The following MCF2L2 variants were observed in gnomAD, a reference collection of about 807,000 sequenced individuals.
MCF2L2 encodes the protein MCF.2 cell line derived transforming sequence-like 2, also known as probable guanine nucleotide exchange factor MCF2L2.
MCF2L2 carries 102 observed loss-of-function variants against 150.2 expected under a neutral mutation model. That is an observed-to-expected ratio of 0.68 (90% CI 0.58 to 0.80). The LOEUF (loss-of-function observed/expected upper bound fraction) is 0.80, where lower values mean the gene tolerates loss of function less well. MCF2L2 is among the 30% of genes least tolerant of loss of function. The probability of loss-of-function intolerance (pLI) is 0.00; values close to 1 mark genes in which losing one functional copy is unlikely to be tolerated. For synonymous variants in MCF2L2, 465 were observed against 491.3 expected (o/e 0.95, Z 0.71); for missense variants, 1,256 against 1,372.8 (o/e 0.91, Z 1.34).
intron 1 of MCF2L2, among the ~76,000 whole-genome samples, chr3:183,421,546 G>A (rs961121564): frequency 4.6e-5 from 7 of 152,188 alleles, no homozygotes; most frequent in Admixed American, 3.3e-4. Context: ...CCTCCTGCCT[G>A]GGCCTGGGAT....
At chr3:183,377,011 T>C (rs576453127) in intron 3 of MCF2L2, 4 of 152,316 alleles carry the variant, frequency 2.6e-5, no homozygotes, top group African/African-American at 4.8e-5. Flanking sequence ...ACTTAAATAG[T>C]CAATATTCCA....
At chr3:183,335,433 T>C (rs1335302507) in intron 5 of MCF2L2, among the ~76,000 whole-genome samples, 1 of 152,088 alleles carries the variant, frequency 6.6e-6, no homozygotes, top group African/African-American at 2.4e-5. Context: ...ATAATACATG[T>C]TATGGTTTCA....
intron 2 of MCF2L2, among the ~76,000 whole-genome samples, chr3:183,382,311 G>A (rs1418254820): frequency 6.6e-6 from 1 of 151,986 alleles, no homozygotes; most frequent in African/African-American, 2.4e-5. Context: ...CGTCTGCCTC[G>A]GCCTCCCTAA....
chr3:183,201,417 GCTCT>G (rs1206050973), intron 25 of MCF2L2, among the ~76,000 whole-genome samples: 2 of 152,028 alleles, frequency 1.3e-5, no homozygotes, highest in Non-Finnish European at 2.9e-5. Flanking sequence ...TCATGATTTG[GCTCT>G]CTGTTTGTCT....
chr3:183,224,975 A>G (rs1184603665), intron 18 of MCF2L2: 1 of 152,324 alleles, frequency 6.6e-6, no homozygotes, highest in African/African-American at 2.4e-5. Flanking sequence ...TCGCTCTATC[A>G]GGGAGCCTGG....
At chr3:183,198,756 A>G (rs1194456814) in intron 25 of MCF2L2, among the ~76,000 whole-genome samples, 1 of 152,172 alleles carries the variant, frequency 6.6e-6, no homozygotes, top group African/African-American at 2.4e-5. Context: ...ATTTGAATGC[A>G]GGTGGTCCTT....
At chr3:183,417,734 C>T (rs1050168560) in intron 1 of MCF2L2, among the ~76,000 whole-genome samples, 4 of 152,044 alleles carry the variant, frequency 2.6e-5, no homozygotes, top group Non-Finnish European at 5.9e-5. Context: ...AGATACTACC[C>T]GAAACTGGGT....
At chr3:183,427,251 G>A (rs1045317605) in intron 1 of MCF2L2, among the ~76,000 whole-genome samples, 1 of 152,202 alleles carries the variant, frequency 6.6e-6, no homozygotes, top group African/African-American at 2.4e-5. Context: ...GGGGCCTGAC[G>A]TTCCATCACA....
Position 183,297,071 on chromosome 3 carries a change from TGTCGTTCAAGGCGATATCAAC to T in MCF2L2, c.1381_1401del (p.Val461_Asp467del), listed in dbSNP as rs1728549387. 6.2e-7 allele frequency: 1 copy of T among 1,614,060 alleles called. No individual in the cohort carries two copies. The highest frequency in any genetic ancestry group is 8.5e-7 in the Non-Finnish European group (1 of 1,180,050). On this transcript the variant is annotated inframe_deletion, in exon 12 of 30. Coordinates refer to ENST00000328913, the MANE Select transcript of MCF2L2 (RefSeq NM_015078.4). Reference sequence around the variant, plus strand: ...TTGACTGTGCCCAGGAATGTCGCAATGTCGTTCAAGGCGATATCAACCCCTTCTCGAGACTGGCACTTGTCT... The same window carrying T: ...TTGACTGTGCCCAGGAATGTCGCAATCCCTTCTCGAGACTGGCACTTGTCT...
intron 1 of MCF2L2, among the ~76,000 whole-genome samples, chr3:183,402,441 G>C (rs1187777200): frequency 1.2e-5 from 1 of 84,832 alleles, no homozygotes; most frequent in Non-Finnish European, 3.0e-5. Flanking sequence ...GCTACAGAGC[G>C]AGACTCCATC....
Position 183,270,386 on chromosome 3 carries a change from AT to A in MCF2L2, c.1862+6485del. The A allele has an allele frequency of 6.2e-7, 1 of 1,614,212 alleles. No individual in the cohort carries two copies. The highest frequency in any genetic ancestry group is 1.1e-5 in the South Asian group (1 of 91,082). On this transcript the variant is annotated intron_variant, in intron 15 of 29. Coordinates refer to ENST00000328913, the MANE Select transcript of MCF2L2 (RefSeq NM_015078.4). The surrounding 1 kb of genome is among the most constrained non-coding windows in gnomAD (Gnocchi z 4.5). ...TTCTTATGACTGCTGATGATGACAT[AT>A]TTATTCACATGCCAAATCTGATTGA...
At chr3:183,254,286 G>C (rs942214739) in intron 15 of MCF2L2, 4 of 151,862 alleles carry the variant, frequency 2.6e-5, no homozygotes, top group Admixed American at 6.6e-5. Context: ...ACACCGGATC[G>C]GGGCCCGCCG....
chr3:183,300,251 A>G, intron 10 of MCF2L2, 55 bp from the exon 11 acceptor site: 1 of 1,485,584 alleles, frequency 6.7e-7, no homozygotes, highest in East Asian at 2.3e-5. Flanking sequence ...CATGAGGCTG[A>G]GAGCTGCCTG....
intron 15 of MCF2L2, chr3:183,271,414 A>G (rs1349677640): frequency 1.2e-5 from 2 of 167,390 alleles, no homozygotes; most frequent in Non-Finnish European, 2.9e-5. Flanking sequence ...GAGAAAGTTC[A>G]TGAATCTGGT....
chr3:183,242,704 A>G (rs1724083952), intron 15 of MCF2L2, among the ~76,000 whole-genome samples: 1 of 152,202 alleles, frequency 6.6e-6, no homozygotes, highest in South Asian at 2.1e-4. Flanking sequence ...TGGAGTCCCC[A>G]CACAGAGTGC....
chr3:183,290,258 C>A (rs371204608), intron 13 of MCF2L2, among the ~76,000 whole-genome samples: 102 of 152,270 alleles, frequency 6.7e-4, no homozygotes, highest in African/African-American at 2.1e-3. Context: ...TTTCTCTTGG[C>A]CACTCTATCT....
At chr3:183,379,447 ATGT>A (rs1304264989) in intron 2 of MCF2L2, 36 bp from the exon 3 acceptor site, 8 of 1,475,220 alleles carry the variant, frequency 5.4e-6, no homozygotes, top group South Asian at 1.2e-5. Context: ...TGTTAGCAAA[ATGT>A]TGTCCTGTCA....
At chr3:183,333,195 T>C (rs970174879) in intron 5 of MCF2L2, among the ~76,000 whole-genome samples, 3 of 152,066 alleles carry the variant, frequency 2.0e-5, no homozygotes, top group African/African-American at 7.2e-5. Context: ...TACAGGCATA[T>C]GCCACCATGC....
intron 15 of MCF2L2, among the ~76,000 whole-genome samples, chr3:183,261,367 G>A (rs1725566581): frequency 6.6e-6 from 1 of 152,162 alleles, no homozygotes; most frequent in South Asian, 2.1e-4. Context: ...ACAAAATGCA[G>A]CATAAAGATG....
Sources: gnomAD v4.1 joint callset for allele counts (sites outside exome capture counted in the v4.1 genomes callset) on GRCh38, gnomAD v4.1.1 for gene constraint, Gnocchi (gnomAD v3.1) non-coding constraint, MANE v1.5 for transcripts, NCBI Gene and HGNC (gene_info 2026-07-23, HGNC 2026-07-21) for gene names.